The following KDM8 variants were observed in gnomAD, a reference collection of about 807,000 sequenced individuals.
The protein encoded by KDM8 is lysine demethylase 8.
A neutral mutation model predicts 46.9 loss-of-function variants in KDM8; 35 were observed. The ratio of observed to expected loss-of-function variants is 0.75; its 90% CI spans 0.57 to 0.99. The LOEUF (loss-of-function observed/expected upper bound fraction) is 0.99. KDM8 is among the 50% of genes least tolerant of loss of function. The pLI is 0.00. For missense variants in KDM8, 475 were observed against 537.0 expected, an observed-to-expected ratio of 0.88 and a Z score of 1.14; for synonymous variants, 232 against 227.7, an observed-to-expected ratio of 1.02 and a Z score of -0.17.
At chr16:27,205,606 C>A (rs980904079) in intron 1 of KDM8, among the ~76,000 whole-genome samples, 3 of 152,100 alleles carry the variant, frequency 2.0e-5, no homozygotes, top group Admixed American at 2.0e-4. Flanking sequence ...CTTTGGGAAG[C>A]CAAGCAGATC....
At chr16:27,206,132 G>A in intron 1 of KDM8, 1 of 619,296 alleles carries the variant, frequency 1.6e-6, no homozygotes, top group Non-Finnish European at 2.0e-6. Context: ...GCTCTCGAAG[G>A]CCAGTCTGTG....
At chr16:27,215,078 C>A in intron 4 of KDM8, 70 bp downstream of exon 4, 1 of 1,560,354 alleles carries the variant, frequency 6.4e-7, no homozygotes, top group Non-Finnish European at 8.8e-7. Context: ...GGCAAATAAC[C>A]CCCCATGTGT....
In KDM8 at chr16:27,210,204, G is replaced by C. The variant is rs374610593; in HGVS notation, c.81G>C (p.Pro27=). Reference sequence around the variant, plus strand: ...GGGAGGCCCTCAGGGCGCTCCTGCCGCACAGTAAAGAAGACCTGAAGTTGG... The same window carrying C: ...GGGAGGCCCTCAGGGCGCTCCTGCCCCACAGTAAAGAAGACCTGAAGTTGG... ...TLWEALRALL[P]HSKEDLKLDL... Residue 27 remains proline, a synonymous_variant, in exon 2 of 8, where the codon CCG becomes CCC. Coordinates refer to ENST00000286096, the MANE Select transcript of KDM8 (RefSeq NM_024773.3). 7 of 1,613,256 alleles carry C rather than the reference G, an allele frequency of 4.3e-6. No homozygotes were observed. The highest frequency in any genetic ancestry group is 5.9e-6 in the Non-Finnish European group (7 of 1,180,028).
At chr16:27,216,330 G>A (rs910296058) in intron 5 of KDM8, among the ~76,000 whole-genome samples, 2 of 152,130 alleles carry the variant, frequency 1.3e-5, no homozygotes, top group Admixed American at 6.5e-5. Flanking sequence ...AGCCCTGGAC[G>A]TGGGTGGATG....
intron 5 of KDM8, among the ~76,000 whole-genome samples, chr16:27,216,515 GT>G (rs946125777): frequency 1.3e-5 from 2 of 152,198 alleles, no homozygotes; most frequent in African/African-American, 4.8e-5. Context: ...TGTCCCGAAC[GT>G]GGAAGACTCG....
chr16:27,204,211 G>T (rs1567259908), intron 1 of KDM8: 2 of 1,449,592 alleles, frequency 1.4e-6, no homozygotes, highest in Non-Finnish European at 1.8e-6. Context: ...GTGTGTGACT[G>T]CCCTAAGGAA....
chr16:27,210,064 C>T lies in KDM8; in HGVS notation c.-31-29C>T. ...CAGGGGATCAGGTCTGTCCTGGTGT[C>T]TAACTCTTGTTTCTCTCCACCTCCC... On this transcript the variant is annotated intron_variant, in intron 1 of 7. Transcript: ENST00000286096. The T allele has an allele frequency of 1.9e-6, 3 of 1,567,502 alleles. No individual in the cohort carries two copies. In the South Asian group the frequency reaches 3.6e-5, roughly 19 times the overall value.
rs750119752 is a variant in KDM8, at chr16:27,219,027, G to A, written c.910G>A (p.Glu304Lys). 4 of 1,613,846 alleles carry A rather than the reference G, an allele frequency of 2.5e-6. No individual in the cohort carries two copies. Among genetic ancestry groups the A allele is most frequent in the South Asian group, 1.1e-5 (1 of 91,076 alleles). The change falls in exon 6 of 8, where the codon GAA (glutamate) becomes AAA (lysine). Residue 304 changes from glutamate to lysine, a missense_variant. Transcript: ENST00000286096. ...CAGCCTGGGCGATGGGGAGGAGGAGGAAATCACCATCAATGCCTGGTTTGG... is the reference window on the plus strand; with the variant it reads ...CAGCCTGGGCGATGGGGAGGAGGAGAAAATCACCATCAATGCCTGGTTTGG... ...YCSLGDGEEE[E>K]ITINAWFGPQ...
intron 1 of KDM8, chr16:27,204,437 C>T: frequency 9.1e-7 from 1 of 1,101,304 alleles, no homozygotes; most frequent in East Asian, 3.3e-5. Flanking sequence ...GGAAAATGTT[C>T]CAAACTTTCC....
At chr16:27,209,104 G>A (rs544153286) in intron 1 of KDM8, among the ~76,000 whole-genome samples, 1 of 152,262 alleles carries the variant, frequency 6.6e-6, no homozygotes, top group Non-Finnish European at 1.5e-5. Flanking sequence ...TGCAAGGGAC[G>A]TGTTAATCTA....
At chr16:27,209,379 G>A (rs928727902) in intron 1 of KDM8, among the ~76,000 whole-genome samples, 2 of 152,142 alleles carry the variant, frequency 1.3e-5, no homozygotes, top group South Asian at 2.1e-4. Flanking sequence ...GGCATGTACC[G>A]CCGTGCCCAA....
In KDM8 at chr16:27,220,316, G is replaced by A. The variant is rs181323046; in HGVS notation, c.994-77G>A. The A allele has an allele frequency of 2.5e-5, 30 of 1,216,318 alleles. 2 individuals carry two copies. The Admixed American group carries it at 5.0e-4, about 20-fold the overall frequency. 75.3% of individuals were successfully genotyped at this position (1,216,318 alleles called of 1,614,324 possible). ...TGGGCCCAGGGAGCAGCATGTGGAAGGGCACAGAGGCCAGAGTGGGCTTGG... is the reference window on the plus strand; with the variant it reads ...TGGGCCCAGGGAGCAGCATGTGGAAAGGCACAGAGGCCAGAGTGGGCTTGG... On this transcript the variant is annotated intron_variant, in intron 6 of 7. Transcript: ENST00000286096.
chr16:27,210,477 A>G lies in KDM8; in HGVS notation c.354A>G (p.Ala118=), dbSNP rs542249637. ...CTGAGGATGCCAACACTGTGGCCGC[A>G]GCCCTGCGGGTCTGTGACATGGGCC... ...QAPEDANTVA[A]ALRVCDMGLL... is the part of the protein sequence containing the mutation. Residue 118 remains alanine, a synonymous_variant, in exon 2 of 8, where the codon GCA becomes GCG. Coordinates refer to ENST00000286096, the MANE Select transcript of KDM8 (RefSeq NM_024773.3). The G allele has an allele frequency of 1.3e-6, 2 of 1,585,224 alleles. No individual in the cohort carries two copies. Among genetic ancestry groups the G allele is most frequent in the South Asian group, 2.3e-5 (2 of 87,258 alleles).
Position 27,219,474 on chromosome 16 carries a change from T to C in KDM8, c.993+364T>C, listed in dbSNP as rs185809454. 7.4e-4 allele frequency among the ~76,000 whole-genome samples: 113 copies of C among 152,322 alleles called. 1 individual carries two copies. The highest frequency in any genetic ancestry group is 2.6e-3 in the African/African-American group (108 of 41,576). ...GTGGCAGGTTGGGGGAGGAGTTTTC[T>C]CAGTCACTGGGAGGTTTTTTTCCTG... On this transcript the variant is annotated intron_variant, in intron 6 of 7. Transcript: ENST00000286096.
chr16:27,210,622 G>A lies in KDM8; in HGVS notation c.498+1G>A, dbSNP rs1338080035. ...CCTCCCAGAGCAACCCTGCACAAAG[G>A]TATGTGGGGGAGATTCTCCCCAAGC... is the stretch of plus-strand genomic sequence containing the variant. On this transcript the variant is annotated splice_donor_variant, in intron 2 of 7. Transcript: ENST00000286096. LOFTEE classifies it high-confidence loss of function. 3.3e-6 allele frequency: 5 copies of A among 1,506,480 alleles called. No homozygotes were observed. The highest frequency in any genetic ancestry group is 1.4e-5 in the African/African-American group (1 of 71,518). The allele number at this position is 1,506,480 out of a possible 1,614,324, so 93.3% of individuals were successfully genotyped here.
chr16:27,206,192 A>G, intron 1 of KDM8: 1 of 981,806 alleles, frequency 1.0e-6, no homozygotes, highest in Non-Finnish European at 1.2e-6. Flanking sequence ...CTTGCAGGGA[A>G]CTGGCAAGTC....
rs779103131 is a variant in KDM8, at chr16:27,210,097, G to A, written c.-27G>A. 182 of 1,599,646 alleles carry A rather than the reference G, an allele frequency of 1.1e-4. No individual in the cohort carries two copies. Among genetic ancestry groups the A allele is most frequent in the Admixed American group, 2.9e-4 (17 of 59,194 alleles). ...TGTTTCTCTCCACCTCCCCAGGCAC[G>A]GGACTGAACCAGCTGGTGGTGGCCC... On this transcript the variant is annotated 5_prime_UTR_variant, in exon 2 of 8. Coordinates refer to ENST00000286096, the MANE Select transcript of KDM8 (RefSeq NM_024773.3).
intron 1 of KDM8, among the ~76,000 whole-genome samples, chr16:27,205,034 T>G (rs992672129): frequency 6.6e-6 from 1 of 151,880 alleles, no homozygotes; most frequent in African/African-American, 2.4e-5. Flanking sequence ...TCAAAAAAAA[T>G]AATAAAAATA....
chr16:27,212,204 G>A (rs1262551900), intron 2 of KDM8, among the ~76,000 whole-genome samples: 2 of 152,174 alleles, frequency 1.3e-5, no homozygotes, highest in East Asian at 1.9e-4. Flanking sequence ...AAACAAATGT[G>A]CAGGAGAATG....
Sources: allele counts gnomAD v4.1 joint callset (sites outside exome capture counted in the v4.1 genomes callset), GRCh38; gene constraint gnomAD v4.1.1; transcripts MANE v1.5; gene names NCBI Gene and HGNC (gene_info 2026-07-23, HGNC 2026-07-21).